TULP4: variants seen among roughly 807,000 people sequenced by gnomAD.
TULP4 encodes the protein TUB like protein 4.
TULP4 carries 16 observed loss-of-function variants against 129.0 expected under a neutral mutation model. The ratio of observed to expected loss-of-function variants is 0.12; its 90% CI spans 0.08 to 0.19. The LOEUF is 0.19. TULP4 is among the 10% of genes least tolerant of loss of function. The pLI, the probability that TULP4 is intolerant of heterozygous loss-of-function variation, is 1.00. For missense variants in TULP4, 1,842 were observed against 2,059.1 expected, an observed-to-expected ratio of 0.89 and a Z score of 2.04; for synonymous variants, 998 against 854.0, an observed-to-expected ratio of 1.17 and a Z score of -2.94.
At chr6:158,365,972 G>A (rs1160374452) in intron 1 of TULP4, among the ~76,000 whole-genome samples, 16 of 124,862 alleles carry the variant, frequency 1.3e-4, no homozygotes, top group South Asian at 5.6e-4. Context: ...GCGCCATCTC[G>A]GCTCACTGCA....
intron 1 of TULP4, among the ~76,000 whole-genome samples, chr6:158,324,201 T>A (rs1157158285): frequency 6.6e-6 from 1 of 152,226 alleles, no homozygotes; most frequent in African/African-American, 2.4e-5. Context: ...AGGATCTGCA[T>A]AGTGGGACTG....
chr6:158,459,342 A>AT (rs1407627740), intron 5 of TULP4, among the ~76,000 whole-genome samples: 1 of 152,108 alleles, frequency 6.6e-6, no homozygotes, highest in Admixed American at 6.5e-5. Flanking sequence ...AGGCAGGAGA[A>AT]TCGCTTGAAC....
At chr6:158,388,653 G>A (rs1368636220) in intron 1 of TULP4, among the ~76,000 whole-genome samples, 60 of 142,432 alleles carry the variant, frequency 4.2e-4, no homozygotes, top group South Asian at 4.5e-4. Flanking sequence ...TTTTCTAATG[G>A]AAAAAAAAAA....
At chr6:158,316,719 C>G (rs4709190) in intron 1 of TULP4, among the ~76,000 whole-genome samples, 6,088 of 152,228 alleles carry the variant, frequency 0.04, 360 homozygotes, top group Admixed American at 0.17. Flanking sequence ...TATGGTATGT[C>G]TGGGGCCTCT....
intron 1 of TULP4, chr6:158,242,444 TTCA>T (rs1163429919): frequency 2.9e-6 from 3 of 1,025,262 alleles, no homozygotes; most frequent in Non-Finnish European, 4.6e-6. Context: ...CCACTAAGCA[TTCA>T]TCATAGTGTT....
rs558528477 is a variant in TULP4 at position 158,260,644 on chromosome 6, A to C, written n.68+28341A>C. Among the ~76,000 whole-genome samples the C allele has an allele frequency of 3.6e-4, 54 of 151,532 alleles. 2 individuals carry two copies. In the South Asian group the frequency reaches 5.2e-3, roughly 15 times the overall value. On this transcript the variant is annotated intron_variant and non_coding_transcript_variant, in intron 1 of 1. Transcript: ENST00000620026. ...TAAGGATGACAGTTGATGCTGAAGG[A>C]GATCGCCTAGGCAGAGTGAGGGGAG... is the stretch of plus-strand genomic sequence containing the variant.
At chr6:158,426,139 G>A (rs898276911) in intron 2 of TULP4, among the ~76,000 whole-genome samples, 7 of 152,216 alleles carry the variant, frequency 4.6e-5, no homozygotes, top group East Asian at 3.9e-4. Flanking sequence ...TGTCAGATGC[G>A]TACTTTGTAA....
At chr6:158,342,587 G>A (rs575156992) in intron 1 of TULP4, among the ~76,000 whole-genome samples, 8 of 152,248 alleles carry the variant, frequency 5.3e-5, no homozygotes, top group East Asian at 3.9e-4. Flanking sequence ...TACAATATGT[G>A]TTTTAAATTT....
chr6:158,314,977 G>A (rs1036670523), intron 1 of TULP4, among the ~76,000 whole-genome samples: 4 of 152,310 alleles, frequency 2.6e-5, no homozygotes, highest in Non-Finnish European at 4.4e-5. Flanking sequence ...AGAAGAGCGT[G>A]ATTGGTAATT....
At chr6:158,433,933 G>A (rs1420478903) in intron 3 of TULP4, among the ~76,000 whole-genome samples, 2 of 143,118 alleles carry the variant, frequency 1.4e-5, no homozygotes, top group Non-Finnish European at 3.2e-5. Flanking sequence ...CAACAGAAGT[G>A]TATTTCTCAC....
intron 3 of TULP4, among the ~76,000 whole-genome samples, chr6:158,440,622 A>G (rs1367306384): frequency 2.6e-5 from 4 of 152,228 alleles, no homozygotes; most frequent in Non-Finnish European, 4.4e-5. Flanking sequence ...CTAAACATAT[A>G]TAGGAATGGT....
intron 1 of TULP4, among the ~76,000 whole-genome samples, chr6:158,377,123 T>G (rs1017750425): frequency 1.4e-4 from 22 of 152,232 alleles, no homozygotes; most frequent in Admixed American, 1.1e-3. Flanking sequence ...AAAATTTTAA[T>G]GGGCAGTGGG....
At position 158,369,906 on chromosome 6, in the gene TULP4, G is replaced by A. The variant is rs547012943; in HGVS notation, c.253-43159G>A. Reference sequence around the variant, plus strand: ...ATGCACATTCAAAAAATAAATAACAGTCTGGTTGCAGTGGCTCAAGCCTAT... The same window carrying A: ...ATGCACATTCAAAAAATAAATAACAATCTGGTTGCAGTGGCTCAAGCCTAT... On this transcript the variant is annotated intron_variant, in intron 1 of 13. Coordinates refer to ENST00000367097, the MANE Select transcript of TULP4 (RefSeq NM_020245.5). Among the ~76,000 whole-genome samples the A allele has an allele frequency of 2.6e-4, 40 of 152,252 alleles. 1 individual carries two copies. In the South Asian group the frequency reaches 6.6e-3, roughly 25 times the overall value.
At chr6:158,238,220 G>T in intron 1 of TULP4, 1 of 866,664 alleles carries the variant, frequency 1.2e-6, no homozygotes, top group South Asian at 1.3e-5. Context: ...AATTTCAATT[G>T]CATTTTCTTG....
chr6:158,396,829 T>C (rs1334871382), intron 1 of TULP4, among the ~76,000 whole-genome samples: 2 of 152,304 alleles, frequency 1.3e-5, no homozygotes, highest in East Asian at 1.9e-4. Flanking sequence ...AAGAAATGTA[T>C]GTACTTTCCC....
chr6:158,300,330 C>T (rs1012465244), intron 1 of TULP4, among the ~76,000 whole-genome samples: 5 of 152,138 alleles, frequency 3.3e-5, no homozygotes, highest in African/African-American at 1.2e-4. Flanking sequence ...AATTTTTTGC[C>T]TGTTCAGCTG....
intron 3 of TULP4, among the ~76,000 whole-genome samples, chr6:158,444,036 G>C (rs373649294): frequency 6.6e-6 from 1 of 151,456 alleles, no homozygotes; most frequent in Non-Finnish European, 1.5e-5. Flanking sequence ...TGGCTAACAC[G>C]GTGAAACCCC....
chr6:158,460,958 A>T (rs963788505), intron 5 of TULP4, among the ~76,000 whole-genome samples: 9 of 151,994 alleles, frequency 5.9e-5, no homozygotes, highest in African/African-American at 2.2e-4. Context: ...GAAATACTGG[A>T]ATTGGAGATA....
chr6:158,314,116 C>A lies in TULP4; in HGVS notation c.100C>A (p.Pro34Thr). Residue 34 changes from proline to threonine, a missense_variant, in exon 1 of 14, where the codon CCT (proline) becomes ACT (threonine). Transcript: ENST00000367097. ...TGTCCCCAAGAGTGAGAAGGAGAAG[C>A]CTGTGTGCAGGAGACGCTACTATGA... Reference protein sequence around the residue: ...GRVPKSEKEKPVCRRRYYEEG... With the variant: ...GRVPKSEKEKTVCRRRYYEEG... The A allele has an allele frequency of 6.2e-7, 1 of 1,614,172 alleles. No individual in the cohort carries two copies. Among genetic ancestry groups the A allele is most frequent in the Non-Finnish European group, 8.5e-7 (1 of 1,180,032 alleles).
Sources: gnomAD v4.1 joint callset for allele counts (sites outside exome capture counted in the v4.1 genomes callset) on GRCh38, gnomAD v4.1.1 for gene constraint, MANE v1.5 for transcripts, NCBI Gene and HGNC (gene_info 2026-07-23, HGNC 2026-07-21) for gene names.